NEK10: variants seen among roughly 807,000 people sequenced by gnomAD.
NEK10 encodes NIMA related kinase 10.
In NEK10, 122 loss-of-function variants were observed where a neutral mutation model predicts 159.8. The observed-to-expected ratio is 0.76, with a 90% CI of 0.66 to 0.89. The LOEUF is 0.89. NEK10 is among the 40% of genes least tolerant of loss of function. NEK10 has a pLI of 0.00. For missense variants in NEK10, 1,342 were observed against 1,323.1 expected, an observed-to-expected ratio of 1.01 and a Z score of -0.22; for synonymous variants, 466 against 457.1, an observed-to-expected ratio of 1.02 and a Z score of -0.25.
At chr3:27,266,729 A>G (rs1042036620) in intron 22 of NEK10, among the ~76,000 whole-genome samples, 2 of 152,182 alleles carry the variant, frequency 1.3e-5, no homozygotes, top group African/African-American at 4.8e-5. Flanking sequence ...CTCCTTCGCC[A>G]GCTGGCTTGA....
chr3:27,337,742 T>C (rs2046912931), intron 5 of NEK10, among the ~76,000 whole-genome samples: 1 of 152,094 alleles, frequency 6.6e-6, no homozygotes. Flanking sequence ...AAATTGGATA[T>C]CAGTATGCAG....
chr3:27,145,852 T>C lies in NEK10; in HGVS notation c.2870-4270A>G, dbSNP rs147198800. Among the ~76,000 whole-genome samples the C allele has an allele frequency of 4.4e-3, 665 of 149,824 alleles. 3 individuals are homozygous for C. The highest frequency in any genetic ancestry group is 0.016 in the African/African-American group (645 of 41,356). ...CAATGGCATTTGGAGGAAGTGAGCTTGGGAGGTGATTAGGTCCTAAGGGCG... is the reference window on the plus strand; with the variant it reads ...CAATGGCATTTGGAGGAAGTGAGCTCGGGAGGTGATTAGGTCCTAAGGGCG... On this transcript the variant is annotated intron_variant, in intron 30 of 35. Transcript: ENST00000691995.
intron 1 of NEK10, among the ~76,000 whole-genome samples, chr3:27,353,965 T>C (rs994433950): frequency 6.6e-6 from 1 of 152,040 alleles, no homozygotes; most frequent in African/African-American, 2.4e-5. Flanking sequence ...ATCTGCAAGG[T>C]AGTGTTTAAA....
rs1023222015 is a variant in NEK10, at chr3:27,268,869, T to C, written c.2015-12498A>G. On this transcript the variant is annotated intron_variant, in intron 22 of 35. Coordinates refer to ENST00000691995, the MANE Select transcript of NEK10 (RefSeq NM_001394966.1). Reference sequence around the variant, plus strand: ...GGCAACGTTTACCTCCTGGAAAAGATTCACCATTCTAGATATCATTAAGTA... The same window carrying C: ...GGCAACGTTTACCTCCTGGAAAAGACTCACCATTCTAGATATCATTAAGTA... 3.3e-5 allele frequency among the ~76,000 whole-genome samples: 5 copies of C among 152,318 alleles called. No homozygotes were observed. The South Asian group carries it at 1.0e-3, about 32-fold the overall frequency.
chr3:27,306,904 C>A (rs554526617), intron 11 of NEK10, among the ~76,000 whole-genome samples: 1 of 152,248 alleles, frequency 6.6e-6, no homozygotes, highest in East Asian at 1.9e-4. Context: ...GCCTCCATGT[C>A]CAAGCACATA....
At chr3:27,153,717 A>G (rs1945121372) in intron 30 of NEK10, among the ~76,000 whole-genome samples, 1 of 152,208 alleles carries the variant, frequency 6.6e-6, no homozygotes. Flanking sequence ...AATGGGTCAG[A>G]AACACAATCA....
intron 23 of NEK10, among the ~76,000 whole-genome samples, chr3:27,223,232 C>G (rs527699683): frequency 2.0e-5 from 3 of 152,210 alleles, no homozygotes; most frequent in Non-Finnish European, 4.4e-5. Flanking sequence ...CTTCCTCCAT[C>G]AACGGCTCTT....
chr3:27,214,478 A>G (rs973191821), intron 23 of NEK10, among the ~76,000 whole-genome samples: 4 of 152,050 alleles, frequency 2.6e-5, no homozygotes, highest in African/African-American at 7.2e-5. Flanking sequence ...AAGAAGCTGA[A>G]TGGCCTACCT....
intron 23 of NEK10, among the ~76,000 whole-genome samples, chr3:27,226,103 C>A (rs1484462259): frequency 6.6e-6 from 1 of 152,020 alleles, no homozygotes; most frequent in Non-Finnish European, 1.5e-5. Flanking sequence ...ATGATCTTGG[C>A]TCACTGCAAG....
chr3:27,155,534 A>AAATAAAATAC (rs2148773398), intron 30 of NEK10, among the ~76,000 whole-genome samples: 1 of 149,326 alleles, frequency 6.7e-6, no homozygotes, highest in Admixed American at 6.7e-5. Context: ...AAATAAAATA[A>AAATAAAATAC]AATAAAATAA....
intron 6 of NEK10, among the ~76,000 whole-genome samples, chr3:27,319,336 GTCATTCCTTCCAGTCTTTCC>G (rs1417693673): frequency 1.3e-4 from 20 of 152,118 alleles, no homozygotes; most frequent in Non-Finnish European, 2.6e-4. Flanking sequence ...TGGCTTCTCT[GTCATTCCTTCCAGTCTTTCC>G]TGGCTGGAAC....
intron 23 of NEK10, among the ~76,000 whole-genome samples, chr3:27,237,409 A>G (rs1489635196): frequency 3.3e-5 from 5 of 152,208 alleles, no homozygotes; most frequent in African/African-American, 1.2e-4. Context: ...AATCTTCACA[A>G]TTTATGTTCA....
At position 27,368,550 on chromosome 3, in the gene NEK10, G is replaced by GT. The variant is rs199526909; in HGVS notation, c.-38+674dup. Among the ~76,000 whole-genome samples the GT allele has an allele frequency of 1.8e-3, 274 of 152,342 alleles. 11 individuals carry two copies. The East Asian group carries it at 0.043, about 24-fold the overall frequency. On this transcript the variant is annotated intron_variant, in intron 1 of 35. Transcript: ENST00000691995. ...TGATAGAGATGCAGAGGAAGCAGCA[G>GT]TAAGTGTCATGGATGTCGTCTAGAG...
intron 32 of NEK10, among the ~76,000 whole-genome samples, chr3:27,128,408 TG>T (rs1450914679): frequency 6.6e-6 from 1 of 152,134 alleles, no homozygotes; most frequent in African/African-American, 2.4e-5. Context: ...CATATCTAGG[TG>T]CTATCATTTA....
intron 18 of NEK10, 86 bp downstream of exon 18, chr3:27,291,176 G>A: frequency 2.4e-6 from 3 of 1,270,256 alleles, no homozygotes; most frequent in Non-Finnish European, 2.2e-6. Flanking sequence ...AATGACAAGA[G>A]TTCTAATTCA....
intron 15 of NEK10, among the ~76,000 whole-genome samples, chr3:27,295,384 C>T (rs934308436): frequency 6.6e-6 from 1 of 152,108 alleles, no homozygotes; most frequent in African/African-American, 2.4e-5. Flanking sequence ...CAAAGAAACA[C>T]CTAAATAAAT....
At chr3:27,299,856 T>C (rs903965372) in intron 13 of NEK10, among the ~76,000 whole-genome samples, 2 of 152,170 alleles carry the variant, frequency 1.3e-5, no homozygotes, top group Non-Finnish European at 2.9e-5. Flanking sequence ...ATTTCTCCCA[T>C]TTGGAACAGC....
intron 23 of NEK10, among the ~76,000 whole-genome samples, chr3:27,225,262 T>C (rs921616991): frequency 6.6e-6 from 1 of 152,218 alleles, no homozygotes; most frequent in Admixed American, 6.5e-5. Flanking sequence ...GATTAGATGG[T>C]GCCCACCAAG....
At chr3:27,184,964 T>C (rs112288648) in intron 26 of NEK10, among the ~76,000 whole-genome samples, 1 of 152,204 alleles carries the variant, frequency 6.6e-6, no homozygotes, top group Non-Finnish European at 1.5e-5. Context: ...TAATTTGCAT[T>C]AAAAAAATGA....
Sources: allele counts gnomAD v4.1 joint callset (sites outside exome capture counted in the v4.1 genomes callset), GRCh38; gene constraint gnomAD v4.1.1; transcripts MANE v1.5; gene names NCBI Gene and HGNC (gene_info 2026-07-23, HGNC 2026-07-21).